Variants in SUPT16H observed in about 807,000 individuals in gnomAD.
SUPT16H encodes the protein SPT16 homolog, facilitates chromatin remodeling subunit.
SUPT16H carries 24 observed loss-of-function variants against 136.2 expected under a neutral mutation model. The observed-to-expected ratio is 0.18, with a 90% CI of 0.13 to 0.25. SUPT16H has a LOEUF of 0.25. Among genes scored for constraint, SUPT16H ranks in the 10% least tolerant of loss-of-function variants. The pLI, the probability that SUPT16H is intolerant of heterozygous loss-of-function variation, is 1.00. For synonymous variants in SUPT16H, 415 were observed against 428.2 expected (o/e 0.97, Z 0.38); for missense variants, 623 against 1,270.2 (o/e 0.49, Z 7.74).
chr14:21,352,019 G>A lies in SUPT16H; in HGVS notation c.*654C>T, dbSNP rs72684736. The A allele has an allele frequency of 2.3e-3, 360 of 153,502 alleles. No homozygotes were observed. The highest frequency in any genetic ancestry group is 4.1e-3 in the Admixed American group (64 of 15,530). 9.5% of individuals were successfully genotyped at this position (153,502 alleles called of 1,614,324 possible). A position where few individuals can be genotyped will look rare whatever the true frequency, so the allele number is the denominator to read the frequency against. On this transcript the variant is annotated 3_prime_UTR_variant, in exon 26 of 26. Coordinates refer to ENST00000216297, the MANE Select transcript of SUPT16H (RefSeq NM_007192.4). The stretch of plus-strand genomic sequence containing the variant: ...TCATTGTACCATGTGTGCATTGTAT[G>A]GAGAAAATAACCGAGCCAGGGAGTA...
chr14:21,362,075 T>G (rs959466129), intron 15 of SUPT16H, 122 bp downstream of exon 15: 39 of 1,213,042 alleles, frequency 3.2e-5, no homozygotes, highest in Non-Finnish European at 4.2e-5. Context: ...CCGAAACAAG[T>G]ACCAATGAGG....
At chr14:21,378,272 T>C (rs1366344436) in intron 1 of SUPT16H, among the ~76,000 whole-genome samples, 1 of 152,046 alleles carries the variant, frequency 6.6e-6, no homozygotes, top group Non-Finnish European at 1.5e-5. Context: ...ATAGATTTAT[T>C]GGAAAAAATT....
intron 7 of SUPT16H, among the ~76,000 whole-genome samples, chr14:21,367,026 C>T (rs1886686251): frequency 6.6e-6 from 1 of 152,102 alleles, no homozygotes; most frequent in African/African-American, 2.4e-5. Context: ...CTGCAAGCTC[C>T]ACCTCCCGGA....
chr14:21,359,315 G>C (rs1013510751), intron 19 of SUPT16H, among the ~76,000 whole-genome samples, 169 bp downstream of exon 19: 1 of 150,414 alleles, frequency 6.6e-6, no homozygotes. Flanking sequence ...GGCTGGTCTC[G>C]AACTCCTGAC....
chr14:21,370,501 T>C lies in SUPT16H; in HGVS notation c.331-13A>G, dbSNP rs773396751. 6 of 1,613,490 alleles carry C rather than the reference T, an allele frequency of 3.7e-6. No individual in the cohort carries two copies. The highest frequency in any genetic ancestry group is 2.2e-5 in the South Asian group (2 of 90,980). ...TATTACTTTCATTCTGTCAGTGTCATAGGGAAGAAAAGACACATATGTTTT... is the reference window on the plus strand; with the variant it reads ...TATTACTTTCATTCTGTCAGTGTCACAGGGAAGAAAAGACACATATGTTTT... On this transcript the variant is annotated splice_polypyrimidine_tract_variant and intron_variant, in intron 3 of 25. Transcript: ENST00000216297.
intron 19 of SUPT16H, among the ~76,000 whole-genome samples, chr14:21,358,930 G>A (rs1040646701): frequency 4.0e-5 from 6 of 149,718 alleles, no homozygotes; most frequent in South Asian, 2.1e-4. Context: ...TCAGCCTCCC[G>A]AGTAGCTGGG....
chr14:21,382,574 T>A (rs866655698), intron 1 of SUPT16H, among the ~76,000 whole-genome samples: 21 of 152,238 alleles, frequency 1.4e-4, no homozygotes, highest in African/African-American at 4.8e-4. Context: ...TCAGGGTTTA[T>A]GGGTACAAGA....
At chr14:21,359,448 C>T in intron 19 of SUPT16H, 36 bp downstream of exon 19, 1 of 1,605,734 alleles carries the variant, frequency 6.2e-7, no homozygotes, top group East Asian at 2.2e-5. Flanking sequence ...CATCCTCCCT[C>T]ACTATCCTGC....
Position 21,362,854 on chromosome 14 carries a change from A to G in SUPT16H, c.1605T>C (p.Tyr535=), listed in dbSNP as rs952613448. ...CAAACACGGGCATTATTACAGTCTC[A>G]TATTTCTTATCGATGTAGATCTTCA... ...REMKIYIDKK[Y]ETVIMPVFGI... Residue 535 remains tyrosine (Y), a synonymous_variant, in exon 14 of 26, where the codon TAT becomes TAC. Transcript: ENST00000216297. 3.1e-6 allele frequency: 5 copies of G among 1,613,884 alleles called. No individual in the cohort carries two copies. Among genetic ancestry groups the G allele is most frequent in the Middle Eastern group, 1.6e-4 (1 of 6,062 alleles).
chr14:21,360,109 C>T (rs1255132899), intron 18 of SUPT16H, among the ~76,000 whole-genome samples: 1 of 152,182 alleles, frequency 6.6e-6, no homozygotes, highest in African/African-American at 2.4e-5. Context: ...CTCACTGCAA[C>T]TTCCGCCTCC....
At chr14:21,355,789 A>G (rs1886420883) in intron 22 of SUPT16H, among the ~76,000 whole-genome samples, 1 of 152,166 alleles carries the variant, frequency 6.6e-6, no homozygotes, top group Non-Finnish European at 1.5e-5. Context: ...GTAAGGATAA[A>G]AACAAACAAC....
At chr14:21,363,391 T>A (rs1886598267) in intron 11 of SUPT16H, 47 bp downstream of exon 11, 19 of 1,608,206 alleles carry the variant, frequency 1.2e-5, no homozygotes, top group Non-Finnish European at 1.5e-5. Flanking sequence ...TTATTTAACT[T>A]CTTTATATCC....
intron 16 of SUPT16H, 41 bp downstream of exon 16, chr14:21,361,037 C>T (rs1886540102): frequency 3.1e-6 from 5 of 1,611,092 alleles, no homozygotes; most frequent in Non-Finnish European, 4.2e-6. Context: ...AAATACATGT[C>T]CTTCTTTGTG....
Position 21,357,916 on chromosome 14 carries a change from G to GA in SUPT16H, c.2490+10dup. 2 of 1,611,214 alleles carry GA rather than the reference G, an allele frequency of 1.2e-6. No individual in the cohort carries two copies. On this transcript the variant is annotated intron_variant, in intron 21 of 25. Coordinates refer to ENST00000216297, the MANE Select transcript of SUPT16H (RefSeq NM_007192.4). Reference sequence around the variant, plus strand: ...CAATTTTCTTACTAAAAGAAAGTAAGAAACACTCACCCATTCCGTAGCATT... The same window carrying GA: ...CAATTTTCTTACTAAAAGAAAGTAAGAAAACACTCACCCATTCCGTAGCATT...
chr14:21,357,955 C>G lies in SUPT16H; in HGVS notation c.2462G>C (p.Ser821Thr). ...TTCCGTAGCATTTACCAGCGCACTA[C>G]TAGTGGGCTGAAGGAGGCAGGTACT... ...YRSTCLLQPT[S>T]SALVNATEWP... is the part of the protein sequence containing the mutation. Residue 821 changes from serine (S) to threonine (T), a missense_variant, in exon 21 of 26, where the codon AGT becomes ACT. This residue lies in a region of SUPT16H where 74 missense variants were observed against 193.8 expected (regional missense o/e 0.38). Coordinates refer to ENST00000216297, the MANE Select transcript of SUPT16H (RefSeq NM_007192.4). 1 of 1,613,906 alleles carries G rather than the reference C, an allele frequency of 6.2e-7. No individual in the cohort carries two copies. The highest frequency in any genetic ancestry group is 8.5e-7 in the Non-Finnish European group (1 of 1,179,886).
At chr14:21,371,761 C>A in intron 3 of SUPT16H, 113 bp downstream of exon 3, 1 of 1,291,874 alleles carries the variant, frequency 7.7e-7, no homozygotes, top group East Asian at 2.4e-5. Context: ...TAATTACAAC[C>A]ACAGCCACCT....
rs879194484 is a variant in SUPT16H at position 21,354,286 on chromosome 14, C to T, written c.2790+125G>A. On this transcript the variant is annotated intron_variant, in intron 23 of 25. Transcript: ENST00000216297. ...TATCAATTTGAAGAAACAATAATAT[C>T]AAGTGGTGTTTAGAGCTTCTCCCAG... 4 of 1,094,486 alleles carry T rather than the reference C, an allele frequency of 3.7e-6. No homozygotes were observed. In the South Asian group the frequency reaches 9.8e-5, roughly 27 times the overall value. The allele number at this position is 1,094,486 out of a possible 1,614,324, so 67.8% of individuals were successfully genotyped here. A position where few individuals can be genotyped will look rare whatever the true frequency, so the allele number is the denominator to read the frequency against.
chr14:21,364,979 A>C, intron 9 of SUPT16H, 40 bp from the exon 10 acceptor site: 1 of 1,609,056 alleles, frequency 6.2e-7, no homozygotes, highest in Non-Finnish European at 8.5e-7. Context: ...GGCTGTGACA[A>C]TGTGGAGAGG....
At chr14:21,364,795 T>C (rs773755837) in intron 10 of SUPT16H, 32 bp downstream of exon 10, 9 of 1,593,316 alleles carry the variant, frequency 5.6e-6, no homozygotes, top group East Asian at 2.2e-5. Context: ...AGTTAGTTCA[T>C]GAAGACTCCA....
Sources: gnomAD v4.1 joint callset for allele counts (sites outside exome capture counted in the v4.1 genomes callset) on GRCh38, gnomAD v4.1.1 for gene constraint, gnomAD v4.1.1 regional missense constraint, MANE v1.5 for transcripts, NCBI Gene and HGNC (gene_info 2026-07-23, HGNC 2026-07-21) for gene names.